PCDH7: variants seen among roughly 807,000 people sequenced by gnomAD.
PCDH7 encodes the protein protocadherin-7.
In PCDH7, 17 loss-of-function variants were observed where a neutral mutation model predicts 58.9. The observed-to-expected ratio is 0.29, with a 90% CI of 0.20 to 0.43. The LOEUF is 0.43. PCDH7 is among the 20% of genes least tolerant of loss of function. The pLI is 1.00. For synonymous variants in PCDH7, 664 were observed against 616.4 expected (o/e 1.08, Z -1.14); for missense variants, 1,274 against 1,441.0 (o/e 0.88, Z 1.88).
rs139601496 is a variant in PCDH7, at chr4:30,939,768, C to A, written c.288-10352C>A. Among the ~76,000 whole-genome samples, 108 of 152,152 alleles carry A rather than the reference C, an allele frequency of 7.1e-4. 1 individual carries two copies. The highest frequency in any genetic ancestry group is 2.2e-3 in the Admixed American group (34 of 15,252). On this transcript the variant is annotated intron_variant, in intron 2 of 3. Coordinates refer to the PCDH7 transcript ENST00000509759. ...GCTATGAGATCTCAAAAGCAGGAATCACTCTAGAATTATGCCTTTGACATT... is the reference window on the plus strand; with the variant it reads ...GCTATGAGATCTCAAAAGCAGGAATAACTCTAGAATTATGCCTTTGACATT...
chr4:30,942,540 G>T (rs1746165588), intron 2 of PCDH7, among the ~76,000 whole-genome samples: 1 of 151,946 alleles, frequency 6.6e-6, no homozygotes, highest in Non-Finnish European at 1.5e-5. Flanking sequence ...AAGGATCTGA[G>T]GACCTCAAAG....
chr4:30,893,642 C>T (rs1479134195), intron 1 of PCDH7, among the ~76,000 whole-genome samples: 1 of 152,062 alleles, frequency 6.6e-6, no homozygotes, highest in East Asian at 1.9e-4. Flanking sequence ...AGTGTTATGG[C>T]TTATTTTGTT....
chr4:31,122,613 T>C (rs1717824718), intron 3 of PCDH7, among the ~76,000 whole-genome samples: 1 of 152,162 alleles, frequency 6.6e-6, no homozygotes, highest in Non-Finnish European at 1.5e-5. Flanking sequence ...AATTATTTTT[T>C]TTTTCAAATG....
At chr4:30,871,575 A>C (rs1479372729) in intron 1 of PCDH7, among the ~76,000 whole-genome samples, 1 of 152,132 alleles carries the variant, frequency 6.6e-6, no homozygotes, top group Non-Finnish European at 1.5e-5. Flanking sequence ...AAACAAAAAT[A>C]AAAACAAAGT....
chr4:30,906,596 A>G (rs368391906), intron 1 of PCDH7, among the ~76,000 whole-genome samples: 41 of 152,346 alleles, frequency 2.7e-4, no homozygotes, highest in African/African-American at 9.4e-4. Flanking sequence ...TTTTAATACA[A>G]TTGAAGAACT....
intron 3 of PCDH7, among the ~76,000 whole-genome samples, chr4:31,085,628 G>A (rs1474457809): frequency 6.6e-6 from 1 of 152,090 alleles, no homozygotes; most frequent in Non-Finnish European, 1.5e-5. Context: ...TCCAAAGGCA[G>A]TTTCACTTCC....
intron 1 of PCDH7, among the ~76,000 whole-genome samples, chr4:30,916,139 A>C (rs573791713): frequency 2.6e-4 from 39 of 152,332 alleles, no homozygotes; most frequent in Non-Finnish European, 2.6e-4. Flanking sequence ...ATGGAGGTCT[A>C]GTGAATTAAT....
chr4:30,814,996 T>G (rs1577911093), intron 1 of PCDH7, among the ~76,000 whole-genome samples: 1 of 152,218 alleles, frequency 6.6e-6, no homozygotes, highest in African/African-American at 2.4e-5. Flanking sequence ...AGTACAGCTT[T>G]GAGACAGATT....
chr4:30,910,653 A>G (rs1057390616), intron 1 of PCDH7, among the ~76,000 whole-genome samples: 1 of 152,162 alleles, frequency 6.6e-6, no homozygotes, highest in Non-Finnish European at 1.5e-5. Context: ...AAAAGTCAGG[A>G]AACAACAGAT....
chr4:31,075,722 G>C (rs541732500), intron 3 of PCDH7, among the ~76,000 whole-genome samples: 1 of 152,170 alleles, frequency 6.6e-6, no homozygotes, highest in East Asian at 1.9e-4. Flanking sequence ...ATCTCATGGG[G>C]GATAACATCT....
intron 1 of PCDH7, among the ~76,000 whole-genome samples, chr4:30,915,668 C>G (rs191320957): frequency 6.6e-6 from 1 of 152,022 alleles, no homozygotes; most frequent in South Asian, 2.1e-4. Context: ...GGATTATAGA[C>G]ATGTACCACC....
chr4:30,888,650 A>G (rs1738177152), intron 1 of PCDH7, among the ~76,000 whole-genome samples: 1 of 152,152 alleles, frequency 6.6e-6, no homozygotes, highest in African/African-American at 2.4e-5. Context: ...TTTGGTTAAT[A>G]TAGTTCATTT....
chr4:31,054,738 A>T (rs554431682), intron 3 of PCDH7, among the ~76,000 whole-genome samples: 1 of 152,350 alleles, frequency 6.6e-6, no homozygotes, highest in Admixed American at 6.5e-5. Flanking sequence ...GTGATGAAAG[A>T]TGCCAAACAG....
At chr4:31,050,642 T>A (rs1260937089) in intron 3 of PCDH7, among the ~76,000 whole-genome samples, 1 of 152,136 alleles carries the variant, frequency 6.6e-6, no homozygotes, top group Non-Finnish European at 1.5e-5. Flanking sequence ...CATAATTTAC[T>A]GAAATGATAT....
chr4:30,721,767 G>A lies in PCDH7; in HGVS notation c.345G>A (p.Ser115=). 1.2e-6 allele frequency: 2 copies of A among 1,613,774 alleles called. No individual in the cohort carries two copies. Among genetic ancestry groups the A allele is most frequent in the African/African-American group, 1.3e-5 (1 of 75,054 alleles). The change falls in exon 1 of 2, where the codon TCG becomes TCA. Residue 115 remains serine (S), a synonymous_variant. Transcript: ENST00000361762. This position sits in a 1 kb window ranked among gnomAD's most constrained non-coding sequence, Gnocchi z 6.7. Reference sequence around the variant, plus strand: ...AGTGCTTCCTGGACTTCGAGGTGTCGGTGATCGGGCCCTCGCAGAGCTGGG... The same window carrying A: ...AGTGCTTCCTGGACTTCGAGGTGTCAGTGATCGGGCCCTCGCAGAGCTGGG...
chr4:30,986,258 A>G (rs1750955895), intron 3 of PCDH7, among the ~76,000 whole-genome samples: 1 of 152,118 alleles, frequency 6.6e-6, no homozygotes, highest in East Asian at 1.9e-4. Context: ...CTAAATGATA[A>G]CTGCTGATGA....
At chr4:30,983,821 A>G (rs1039541912) in intron 3 of PCDH7, among the ~76,000 whole-genome samples, 2 of 152,200 alleles carry the variant, frequency 1.3e-5, no homozygotes, top group Non-Finnish European at 2.9e-5. Flanking sequence ...TCATTTATCA[A>G]GAGCACTAGA....
At chr4:30,969,767 T>A (rs188532304) in intron 3 of PCDH7, among the ~76,000 whole-genome samples, 3 of 152,282 alleles carry the variant, frequency 2.0e-5, no homozygotes, top group Admixed American at 2.0e-4. Context: ...AAATTCAAAG[T>A]TTTTATTTTC....
chr4:30,811,402 A>G (rs1466921336), intron 1 of PCDH7, among the ~76,000 whole-genome samples: 2 of 152,214 alleles, frequency 1.3e-5, no homozygotes, highest in Non-Finnish European at 2.9e-5. Context: ...CCTATAAAAA[A>G]AAGGATGACA....
Sources: allele counts gnomAD v4.1 joint callset (sites outside exome capture counted in the v4.1 genomes callset), GRCh38; gene constraint gnomAD v4.1.1; non-coding constraint Gnocchi (gnomAD v3.1); transcripts MANE v1.5; gene names NCBI Gene and HGNC (gene_info 2026-07-23, HGNC 2026-07-21).